The following PGGT1B variants were observed in gnomAD, a reference collection of about 807,000 sequenced individuals.
PGGT1B encodes the protein protein geranylgeranyltransferase type I subunit beta.
Under a neutral mutation model 46.1 loss-of-function variants are expected in PGGT1B, and 30 were observed. The ratio of observed to expected loss-of-function variants is 0.65; its 90% CI spans 0.49 to 0.88. PGGT1B has a LOEUF of 0.88. Among genes scored for constraint, PGGT1B ranks in the 40% least tolerant of loss-of-function variants. PGGT1B has a pLI of 0.00. For missense variants in PGGT1B, 376 were observed against 455.9 expected (o/e 0.82, Z 1.60); for synonymous variants, 170 against 160.0 (o/e 1.06, Z -0.47).
At chr5:115,245,717 AT>A (rs984597399) in intron 2 of PGGT1B, among the ~76,000 whole-genome samples, 5 of 152,198 alleles carry the variant, frequency 3.3e-5, no homozygotes, top group African/African-American at 1.2e-4. Flanking sequence ...TAAAGTAAAA[AT>A]GTTTTTCTTT....
chr5:115,253,289 T>C, intron 1 of PGGT1B, 34 bp from the exon 2 acceptor site: 3 of 1,527,746 alleles, frequency 2.0e-6, no homozygotes, highest in Non-Finnish European at 2.7e-6. Context: ...CCATCTTAAC[T>C]ATCATACCAC....
chr5:115,261,868 T>A (rs540117238), intron 1 of PGGT1B, among the ~76,000 whole-genome samples: 1 of 152,232 alleles, frequency 6.6e-6, no homozygotes, highest in Non-Finnish European at 1.5e-5. Context: ...TGTTCAGCTG[T>A]ACTCTGGCAC....
rs1282186820 is a variant in PGGT1B, at chr5:115,208,605, T to C, written c.*3797A>G. 1 of 152,064 alleles carries C rather than the reference T, an allele frequency of 6.6e-6. No individual in the cohort carries two copies. Among genetic ancestry groups the C allele is most frequent in the Non-Finnish European group, 1.5e-5 (1 of 67,960 alleles). The allele number at this position is 152,064 out of a possible 1,614,324, so 9.4% of individuals were successfully genotyped here. A position where few individuals can be genotyped will look rare whatever the true frequency, so the allele number is the denominator to read the frequency against. On this transcript the variant is annotated 3_prime_UTR_variant, in exon 9 of 9. Coordinates refer to ENST00000419445, the MANE Select transcript of PGGT1B (RefSeq NM_005023.4). ...AATTTTTGTATTTGTGCTTCCTCCT[T>C]TTTTTCTTAAATAGGTTAGCTGGTA...
chr5:115,252,257 G>A (rs938482645), intron 2 of PGGT1B, among the ~76,000 whole-genome samples: 1 of 151,874 alleles, frequency 6.6e-6, no homozygotes, highest in Non-Finnish European at 1.5e-5. Context: ...TTTGTAAATA[G>A]GCATAGATTT....
chr5:115,219,077 CT>C (rs36028928), intron 7 of PGGT1B, among the ~76,000 whole-genome samples: 1 of 151,718 alleles, frequency 6.6e-6, no homozygotes, highest in Non-Finnish European at 1.5e-5. Context: ...TTTCAAAAGA[CT>C]TTTTTGCAGA....
chr5:115,216,301 G>C (rs1363306623), intron 8 of PGGT1B, among the ~76,000 whole-genome samples: 1 of 151,986 alleles, frequency 6.6e-6, no homozygotes, highest in Non-Finnish European at 1.5e-5. Context: ...CACCACACCT[G>C]GCTGATTTTT....
intron 1 of PGGT1B, among the ~76,000 whole-genome samples, chr5:115,259,949 T>C (rs3805579): frequency 0.042 from 6,326 of 152,238 alleles, 135 homozygotes; most frequent in South Asian, 0.058. Context: ...CTCTAATTCC[T>C]ATTACCCAAA....
rs1757185897 is a variant in PGGT1B at position 115,236,501 on chromosome 5, G to A, written c.501C>T (p.Gly167=). ...EDGSFCAVPE[G]SENDMRFVYC... is the part of the protein sequence containing the mutation. ...ACACAAATCGCATGTCATTTTCACTGCCTTCAGGTACTGCACAAAAACTGA... is the reference window on the plus strand; with the variant it reads ...ACACAAATCGCATGTCATTTTCACTACCTTCAGGTACTGCACAAAAACTGA... The change falls in exon 5 of 9, where the codon GGC becomes GGT. Residue 167 remains glycine (G), a synonymous_variant. Coordinates refer to ENST00000419445, the MANE Select transcript of PGGT1B (RefSeq NM_005023.4). 1 of 1,562,612 alleles carries A rather than the reference G, an allele frequency of 6.4e-7. No homozygotes were observed. Among genetic ancestry groups the A allele is most frequent in the East Asian group, 2.5e-5 (1 of 40,422 alleles).
chr5:115,236,854 T>C (rs964171063), intron 4 of PGGT1B, among the ~76,000 whole-genome samples: 2 of 152,110 alleles, frequency 1.3e-5, no homozygotes, highest in Non-Finnish European at 2.9e-5. Context: ...GGCTTGAGAA[T>C]GGCAGAAAAA....
chr5:115,222,746 C>A (rs1206093767), intron 6 of PGGT1B, among the ~76,000 whole-genome samples: 1 of 152,134 alleles, frequency 6.6e-6, no homozygotes, highest in Non-Finnish European at 1.5e-5. Flanking sequence ...CAATGATAGA[C>A]TGGATTAAGA....
chr5:115,240,411 C>T (rs544358598), intron 3 of PGGT1B, among the ~76,000 whole-genome samples: 62 of 152,056 alleles, frequency 4.1e-4, no homozygotes, highest in Non-Finnish European at 6.3e-4. Flanking sequence ...ACTAGTGGCA[C>T]GATATTCTGT....
intron 2 of PGGT1B, among the ~76,000 whole-genome samples, chr5:115,242,152 A>G (rs1757366370): frequency 6.6e-6 from 1 of 152,220 alleles, no homozygotes; most frequent in Admixed American, 6.5e-5. Flanking sequence ...CCAGTAATCC[A>G]CTTGGCTTTG....
intron 3 of PGGT1B, among the ~76,000 whole-genome samples, chr5:115,238,291 A>ATTTTTTTTTTTTTTTTTTTTTTTTTTT (rs35711954): frequency 1.5e-4 from 7 of 46,964 alleles, no homozygotes; most frequent in African/African-American, 5.4e-4. Flanking sequence ...ATTTTTTTGG[A>ATTTTTTTTTTTTTTTTTTTTTTTTTTT]TTTTTTTTTT....
intron 1 of PGGT1B, among the ~76,000 whole-genome samples, chr5:115,258,997 T>A (rs1366211799): frequency 6.6e-6 from 1 of 152,226 alleles, no homozygotes; most frequent in Non-Finnish European, 1.5e-5. Context: ...CTCCTACACG[T>A]AAAACACCAT....
At chr5:115,217,173 C>T (rs1372452780) in intron 7 of PGGT1B, among the ~76,000 whole-genome samples, 200 bp from the exon 8 acceptor site, 3 of 152,058 alleles carry the variant, frequency 2.0e-5, no homozygotes, top group African/African-American at 4.8e-5. Flanking sequence ...CTCCTTTTCT[C>T]GACTCTCTAT....
chr5:115,232,353 G>A (rs1233926883), intron 5 of PGGT1B, among the ~76,000 whole-genome samples: 4 of 151,902 alleles, frequency 2.6e-5, no homozygotes, highest in African/African-American at 9.7e-5. Flanking sequence ...AATTCTCAGC[G>A]ACTTCACAAC....
At chr5:115,241,023 C>G (rs186258309) in intron 3 of PGGT1B, among the ~76,000 whole-genome samples, 55 of 152,248 alleles carry the variant, frequency 3.6e-4, no homozygotes, top group Non-Finnish European at 2.9e-5. Flanking sequence ...TGGATATAAC[C>G]ATGAAGAAGT....
intron 2 of PGGT1B, among the ~76,000 whole-genome samples, chr5:115,245,868 G>C (rs962136467): frequency 7.9e-5 from 12 of 152,076 alleles, no homozygotes; most frequent in Non-Finnish European, 1.3e-4. Context: ...GGATAAAGAA[G>C]TTTATTCTAA....
At chr5:115,253,608 T>A (rs1000441195) in intron 1 of PGGT1B, among the ~76,000 whole-genome samples, 4 of 151,970 alleles carry the variant, frequency 2.6e-5, no homozygotes, top group African/African-American at 9.7e-5. Flanking sequence ...GACTTAGAAA[T>A]ATGTGAAAAT....
Sources: allele counts gnomAD v4.1 joint callset (sites outside exome capture counted in the v4.1 genomes callset), GRCh38; gene constraint gnomAD v4.1.1; transcripts MANE v1.5; gene names NCBI Gene and HGNC (gene_info 2026-07-23, HGNC 2026-07-21).